The following RBFOX1 variants were observed in gnomAD, a reference collection of about 807,000 sequenced individuals.
RBFOX1 encodes RNA binding fox-1 homolog 1, also known as RNA binding protein fox-1 homolog 1.
A neutral mutation model predicts 57.7 loss-of-function variants in RBFOX1; 8 were observed. The observed-to-expected ratio is 0.14, with a 90% CI of 0.08 to 0.25. RBFOX1 has a LOEUF of 0.25. RBFOX1 is among the 10% of genes least tolerant of loss of function. The pLI is 1.00. For missense variants in RBFOX1, 611 were observed against 548.5 expected, an observed-to-expected ratio of 1.11 and a Z score of -1.14; for synonymous variants, 326 against 222.4, an observed-to-expected ratio of 1.47 and a Z score of -4.15.
intron 15 of RBFOX1, chr16:7,710,143 T>TC (rs2083742895): frequency 9.8e-7 from 1 of 1,022,442 alleles, no homozygotes; most frequent in Non-Finnish European, 1.2e-6. Context: ...ACAACTCCCT[T>TC]CTCAAGATCA....
intron 2 of RBFOX1, among the ~76,000 whole-genome samples, chr16:6,620,390 AG>A (rs896930207): frequency 3.9e-5 from 6 of 152,222 alleles, no homozygotes; most frequent in African/African-American, 1.4e-4. Context: ...CACATCCAAA[AG>A]TTAGAAAGAT....
chr16:5,397,456 T>A (rs1311903438), intron 1 of RBFOX1, among the ~76,000 whole-genome samples: 1 of 152,198 alleles, frequency 6.6e-6, no homozygotes, highest in East Asian at 1.9e-4. Flanking sequence ...GCATGTGAGG[T>A]CTGTGGTACT....
intron 2 of RBFOX1, among the ~76,000 whole-genome samples, chr16:6,492,528 C>T (rs1342465652): frequency 3.3e-5 from 5 of 152,132 alleles, no homozygotes; most frequent in Non-Finnish European, 5.9e-5. Context: ...GAGATGGTGC[C>T]ACTGCACTAC....
intron 1 of RBFOX1, among the ~76,000 whole-genome samples, chr16:6,266,746 CTATT>C: frequency 6.6e-6 from 1 of 151,676 alleles, no homozygotes; most frequent in South Asian, 2.1e-4. Context: ...GAAGAAGAAT[CTATT>C]TAATAACAGA....
chr16:6,789,489 G>T (rs2082536511), intron 3 of RBFOX1, among the ~76,000 whole-genome samples: 1 of 152,148 alleles, frequency 6.6e-6, no homozygotes, highest in South Asian at 2.1e-4. Context: ...GAGAGAAGCA[G>T]TCATTTCATT....
At chr16:6,224,814 A>C (rs2097403604) in intron 1 of RBFOX1, among the ~76,000 whole-genome samples, 1 of 152,080 alleles carries the variant, frequency 6.6e-6, no homozygotes, top group African/African-American at 2.4e-5. Context: ...TGTGGTCAGG[A>C]GTTTGAGACC....
At chr16:5,999,905 A>AGGGG (rs2060564447) in intron 4 of RBFOX1, among the ~76,000 whole-genome samples, 1 of 34,850 alleles carries the variant, frequency 2.9e-5, no homozygotes, top group African/African-American at 1.2e-4. Context: ...AAAAAAAAAA[A>AGGGG]AAGAGTGAAG....
chr16:5,439,923 A>T (rs1167920284), intron 1 of RBFOX1, among the ~76,000 whole-genome samples: 1 of 152,216 alleles, frequency 6.6e-6, no homozygotes. Flanking sequence ...TAAAGTATTC[A>T]AGTGGAGATG....
chr16:7,192,956 C>G (rs561879126), intron 4 of RBFOX1, among the ~76,000 whole-genome samples: 3 of 152,314 alleles, frequency 2.0e-5, no homozygotes, highest in Non-Finnish European at 1.5e-5. Flanking sequence ...TTCCCCTCCT[C>G]TTTGTGTCGA....
At position 7,198,357 on chromosome 16, in the gene RBFOX1, A is replaced by G. The variant is rs140948803; in HGVS notation, c.27+146259A>G. On this transcript the variant is annotated intron_variant, in intron 4 of 15. Coordinates refer to ENST00000550418, the MANE Select transcript of RBFOX1 (RefSeq NM_018723.4). The stretch of plus-strand genomic sequence containing the variant: ...TGATGAAAATGTTTTGAAACTAGAC[A>G]GAGGGTGGTAGTTGTGCAACATTGT... Among the ~76,000 whole-genome samples the G allele has an allele frequency of 2.6e-5, 4 of 152,290 alleles. No individual in the cohort carries two copies. The East Asian group carries it at 7.7e-4, about 29-fold the overall frequency.
chr16:5,571,657 A>G (rs2046288850), intron 2 of RBFOX1, among the ~76,000 whole-genome samples: 1 of 152,068 alleles, frequency 6.6e-6, no homozygotes, highest in Admixed American at 6.5e-5. Flanking sequence ...ACATCTGGAG[A>G]CTACTGTTCA....
chr16:6,724,392 TAG>T (rs2066693195), intron 3 of RBFOX1, among the ~76,000 whole-genome samples: 1 of 151,988 alleles, frequency 6.6e-6, no homozygotes, highest in Non-Finnish European at 1.5e-5. Context: ...ATATTTTTAG[TAG>T]AGACAGGTTT....
At chr16:6,766,547 AC>A (rs2077358420) in intron 3 of RBFOX1, among the ~76,000 whole-genome samples, 1 of 151,794 alleles carries the variant, frequency 6.6e-6, no homozygotes, top group African/African-American at 2.4e-5. Flanking sequence ...CTGCAATGAC[AC>A]CCATGTTCTT....
chr16:7,350,986 C>T (rs565410098), intron 4 of RBFOX1, among the ~76,000 whole-genome samples: 2 of 152,324 alleles, frequency 1.3e-5, no homozygotes, highest in South Asian at 4.1e-4. Flanking sequence ...AAGTCTGGCT[C>T]TATCAAAGCT....
At chr16:6,889,212 G>C (rs2153369204) in intron 3 of RBFOX1, among the ~76,000 whole-genome samples, 1 of 152,288 alleles carries the variant, frequency 6.6e-6, no homozygotes, top group South Asian at 2.1e-4. Flanking sequence ...CCCTGTCTTT[G>C]AGCCTTTCCA....
At chr16:7,620,731 G>T (rs1028548491) in intron 10 of RBFOX1, among the ~76,000 whole-genome samples, 5 of 152,152 alleles carry the variant, frequency 3.3e-5, no homozygotes, top group African/African-American at 1.2e-4. Context: ...ATCAACTCAG[G>T]ACCAAGTATC....
At chr16:7,357,463 C>G (rs991815931) in intron 4 of RBFOX1, among the ~76,000 whole-genome samples, 3 of 152,102 alleles carry the variant, frequency 2.0e-5, no homozygotes, top group Non-Finnish European at 4.4e-5. Flanking sequence ...TTTCCACTTT[C>G]TTTGGCCTCA....
chr16:6,843,663 T>C (rs993609695), intron 3 of RBFOX1, among the ~76,000 whole-genome samples: 6 of 152,202 alleles, frequency 3.9e-5, no homozygotes, highest in African/African-American at 1.4e-4. Context: ...CACTCCAGCC[T>C]GGGTGACAGA....
chr16:7,685,940 C>G (rs2075969914), intron 14 of RBFOX1, among the ~76,000 whole-genome samples: 1 of 152,024 alleles, frequency 6.6e-6, no homozygotes, highest in African/African-American at 2.4e-5. Flanking sequence ...CACGTGGGTC[C>G]TGAATCTCTG....
Sources: allele counts gnomAD v4.1 joint callset (sites outside exome capture counted in the v4.1 genomes callset), GRCh38; gene constraint gnomAD v4.1.1; transcripts MANE v1.5; gene names NCBI Gene and HGNC (gene_info 2026-07-23, HGNC 2026-07-21).